The following PARP2 variants were observed in gnomAD, a reference collection of about 807,000 sequenced individuals.
PARP2 encodes poly [ADP-ribose] polymerase 2.
PARP2 carries 57 observed loss-of-function variants against 77.8 expected under a neutral mutation model. That is an observed-to-expected ratio of 0.73 (90% CI 0.59 to 0.91). PARP2 has a LOEUF of 0.91. Among genes scored for constraint, PARP2 ranks in the 40% least tolerant of loss-of-function variants. The probability of loss-of-function intolerance (pLI) is 0.00; values close to 1 mark genes in which losing one functional copy is unlikely to be tolerated. For missense variants in PARP2, 651 were observed against 689.0 expected, an observed-to-expected ratio of 0.94 and a Z score of 0.62; for synonymous variants, 226 against 242.6, an observed-to-expected ratio of 0.93 and a Z score of 0.64.
At position 20,357,629 on chromosome 14, in the gene PARP2, A is replaced by C. The variant is rs773008683; in HGVS notation, c.1554-9A>C. The C allele has an allele frequency of 1.9e-6, 3 of 1,607,028 alleles. No homozygotes were observed. The highest frequency in any genetic ancestry group is 2.5e-6 in the Non-Finnish European group (3 of 1,178,056). On this transcript the variant is annotated splice_polypyrimidine_tract_variant and intron_variant, in intron 15 of 15. Coordinates refer to ENST00000429687, the MANE Select transcript of PARP2 (RefSeq NM_001042618.2). ...ACTGATGTTGACACACTTTTTTTCC[A>C]TTTGGCAGGAATGGGAGTACAGTGC...
Position 20,356,690 on chromosome 14 carries a change from G to T in PARP2, c.1329+1G>T. ...TGAAGCTCCCATCACAGGTTACATG[G>T]TGAGTGAAATTGAACTCTGGGAGGA... On this transcript the variant is annotated splice_donor_variant, in intron 13 of 15. Coordinates refer to ENST00000429687, the MANE Select transcript of PARP2 (RefSeq NM_001042618.2). LOFTEE classifies it high-confidence loss of function. 1 of 1,609,220 alleles carries T rather than the reference G, an allele frequency of 6.2e-7. No homozygotes were observed. Among genetic ancestry groups the T allele is most frequent in the East Asian group, 2.2e-5 (1 of 44,860 alleles).
chr14:20,351,597 A>G (rs1481008990), intron 6 of PARP2, among the ~76,000 whole-genome samples: 5 of 152,266 alleles, frequency 3.3e-5, no homozygotes, highest in Non-Finnish European at 1.5e-5. Context: ...ACCAAACTGC[A>G]TCCTTAGTGA....
Position 20,354,832 on chromosome 14 carries a change from A to G in PARP2, c.787A>G (p.Lys263Glu). 6.2e-7 allele frequency: 1 copy of G among 1,613,576 alleles called. No individual in the cohort carries two copies. Among genetic ancestry groups the G allele is most frequent in the Non-Finnish European group, 8.5e-7 (1 of 1,179,768 alleles). ...PLGKLTVAQI[K>E]AGYQSLKKIE... ...AGGGAAGCTGACAGTGGCACAAATC[A>G]AGGCAGGTTACCAGTCTCTTAAGAA... Residue 263 changes from lysine to glutamate, a missense_variant, in exon 9 of 16, where the codon AAG (lysine) becomes GAG (glutamate). By Grantham distance (56) the Lys-to-Glu change is moderately conservative (BLOSUM62 1). Transcript: ENST00000429687.
chr14:20,350,640 G>A lies in PARP2; in HGVS notation c.421+18G>A. 6.7e-7 allele frequency: 1 copy of A among 1,496,294 alleles called. No individual in the cohort carries two copies. The highest frequency in any genetic ancestry group is 9.3e-7 in the Non-Finnish European group (1 of 1,073,186). 92.7% of individuals were successfully genotyped at this position (1,496,294 alleles called of 1,614,324 possible). A position where few individuals can be genotyped will look rare whatever the true frequency, so the allele number is the denominator to read the frequency against. ...GGGCCGAGGTAATGATTTTTATTGA[G>A]ATTTTATGAGTTGGCATTCAGAAAG... On this transcript the variant is annotated intron_variant, in intron 5 of 15. Transcript: ENST00000429687.
chr14:20,345,467 A>C lies in PARP2; in HGVS notation c.273+3A>C. 6.2e-7 allele frequency: 1 copy of C among 1,611,054 alleles called. No individual in the cohort carries two copies. The highest frequency in any genetic ancestry group is 1.1e-5 in the South Asian group (1 of 90,998). Reference sequence around the variant, plus strand: ...AGTGTACAGCCAAGGTGGGGAAGGTAAGAGACTCTGGAACCGATCTTCAGT... The same window carrying C: ...AGTGTACAGCCAAGGTGGGGAAGGTCAGAGACTCTGGAACCGATCTTCAGT... On this transcript the variant is annotated splice_donor_region_variant and intron_variant, in intron 3 of 15. Coordinates refer to ENST00000429687, the MANE Select transcript of PARP2 (RefSeq NM_001042618.2).
intron 9 of PARP2, 40 bp from the exon 10 acceptor site, chr14:20,355,712 A>G: frequency 6.5e-7 from 1 of 1,532,256 alleles, no homozygotes; most frequent in Non-Finnish European, 9.0e-7. Context: ...TTTTAGCCAC[A>G]TGTCAGAAAG....
At chr14:20,356,830 C>A in intron 13 of PARP2, 141 bp downstream of exon 13, 1 of 723,040 alleles carries the variant, frequency 1.4e-6, no homozygotes, top group Non-Finnish European at 2.4e-6. Flanking sequence ...TCATCTCTTA[C>A]TGTGTCCCTC....
At position 20,357,437 on chromosome 14, in the gene PARP2, T is replaced by G; in HGVS notation, c.1470T>G (p.Pro490=). 1 of 1,613,820 alleles carries G rather than the reference T, an allele frequency of 6.2e-7. No homozygotes were observed. The highest frequency in any genetic ancestry group is 8.5e-7 in the Non-Finnish European group (1 of 1,179,888). Residue 490 remains proline, a synonymous_variant, in exon 15 of 16, where the codon CCT becomes CCG. Coordinates refer to ENST00000429687, the MANE Select transcript of PARP2 (RefSeq NM_001042618.2). ...GTAATGAACTACTAGAGGCCAATCCTAAGGCCGAAGGATTGCTTCAAGGTA... is the reference window on the plus strand; with the variant it reads ...GTAATGAACTACTAGAGGCCAATCCGAAGGCCGAAGGATTGCTTCAAGGTA... ...GQCNELLEAN[P]KAEGLLQGKH... is the part of the protein sequence containing the mutation.
chr14:20,354,865 G>A lies in PARP2; in HGVS notation c.820G>A (p.Asp274Asn), dbSNP rs1566423391. 6.2e-7 allele frequency: 1 copy of A among 1,613,972 alleles called. No homozygotes were observed. Among genetic ancestry groups the A allele is most frequent in the Admixed American group, 1.7e-5 (1 of 59,984 alleles). ...AGYQSLKKIE[D>N]CIRAGQHGRA... ...TTACCAGTCTCTTAAGAAGATTGAG[G>A]ATTGTATTCGGGCTGGCCAGCATGG... Residue 274 changes from aspartate (D) to asparagine (N), a missense_variant, in exon 9 of 16, where the codon GAT (aspartate) becomes AAT (asparagine). Physicochemically the swap from Asp to Asn is conservative, Grantham distance 23. Coordinates refer to ENST00000429687, the MANE Select transcript of PARP2 (RefSeq NM_001042618.2).
chr14:20,349,829 C>T (rs1883894060), intron 4 of PARP2, among the ~76,000 whole-genome samples: 1 of 152,102 alleles, frequency 6.6e-6, no homozygotes, highest in Non-Finnish European at 1.5e-5. Context: ...AGAATGCCTC[C>T]ATATCCAGGG....
chr14:20,345,666 T>C (rs1883691436), intron 3 of PARP2, among the ~76,000 whole-genome samples: 1 of 152,130 alleles, frequency 6.6e-6, no homozygotes, highest in African/African-American at 2.4e-5. Flanking sequence ...TAACATGGTG[T>C]GTTAGACCAT....
chr14:20,343,964 C>T (rs540514210), intron 1 of PARP2, among the ~76,000 whole-genome samples: 1 of 152,208 alleles, frequency 6.6e-6, no homozygotes, highest in South Asian at 2.1e-4. Flanking sequence ...TAAGGCACAC[C>T]ATTATTTTAT....
rs773008683 is a variant in PARP2, at chr14:20,357,629, A to G, written c.1554-9A>G. On this transcript the variant is annotated splice_polypyrimidine_tract_variant and intron_variant, in intron 15 of 15. Coordinates refer to ENST00000429687, the MANE Select transcript of PARP2 (RefSeq NM_001042618.2). ...ACTGATGTTGACACACTTTTTTTCCATTTGGCAGGAATGGGAGTACAGTGC... is the reference window on the plus strand; with the variant it reads ...ACTGATGTTGACACACTTTTTTTCCGTTTGGCAGGAATGGGAGTACAGTGC... The G allele has an allele frequency of 6.2e-7, 1 of 1,607,028 alleles. No homozygotes were observed. Among genetic ancestry groups the G allele is most frequent in the African/African-American group, 1.3e-5 (1 of 74,428 alleles).
intron 1 of PARP2, among the ~76,000 whole-genome samples, chr14:20,343,888 T>C (rs1378984127): frequency 6.6e-6 from 1 of 152,228 alleles, no homozygotes; most frequent in Non-Finnish European, 1.5e-5. Context: ...CTTGCGGAGC[T>C]GTAACAACTA....
At chr14:20,346,600 C>T in intron 3 of PARP2, 1 of 324,868 alleles carries the variant, frequency 3.1e-6, no homozygotes, top group Non-Finnish European at 5.8e-6. Context: ...TCCCGAAATG[C>T]TGGGATTGCA....
Position 20,354,744 on chromosome 14 carries a change from G to A in PARP2, c.764-65G>A, listed in dbSNP as rs3093924. 514 of 1,434,522 alleles carry A rather than the reference G, an allele frequency of 3.6e-4. 5 individuals carry two copies. The East Asian group carries it at 0.01, about 29-fold the overall frequency. The allele number at this position is 1,434,522 out of a possible 1,614,324, so 88.9% of individuals were successfully genotyped here. On this transcript the variant is annotated intron_variant, in intron 8 of 15. Transcript: ENST00000429687. ...AAGATGAAAGTCTTTTTTAGGGAAG[G>A]ATGTTAAGTACAGTTCACTAGATGG... is the stretch of plus-strand genomic sequence containing the variant.
Position 20,345,089 on chromosome 14 carries a change from T to C in PARP2, c.202+2T>C. On this transcript the variant is annotated splice_donor_variant, in intron 2 of 15. Transcript: ENST00000429687. LOFTEE classifies it high-confidence loss of function. ...ACAGGACAGAAGACAAGCAAGATGG[T>C]ATGCCAGGAAGGTCATGGGCCAGCA... 1 of 1,614,118 alleles carries C rather than the reference T, an allele frequency of 6.2e-7. No homozygotes were observed. Among genetic ancestry groups the C allele is most frequent in the Non-Finnish European group, 8.5e-7 (1 of 1,179,996 alleles).
At position 20,350,552 on chromosome 14, in the gene PARP2, G is replaced by A. The variant is rs1269704749; in HGVS notation, c.351G>A (p.Lys117=). ...CCAATCTCCAGTTCAACAACAACAA[G>A]TACTATCTGATTCAGCTATTAGAAG... The part of the protein sequence containing the change: ...NQTNLQFNNN[K]YYLIQLLEDD... The change falls in exon 5 of 16, where the codon AAG becomes AAA. Residue 117 remains lysine (K), a synonymous_variant. Transcript: ENST00000429687. 2 of 1,609,376 alleles carry A rather than the reference G, an allele frequency of 1.2e-6. No homozygotes were observed. Among genetic ancestry groups the A allele is most frequent in the East Asian group, 2.2e-5 (1 of 44,852 alleles).
Position 20,350,981 on chromosome 14 carries a change from A to G in PARP2, c.422-66A>G, listed in dbSNP as rs1291139397. 1.2e-5 allele frequency: 15 copies of G among 1,208,352 alleles called. No homozygotes were observed. The East Asian group carries it at 3.3e-4, about 26-fold the overall frequency. 74.9% of individuals were successfully genotyped at this position (1,208,352 alleles called of 1,614,324 possible). A position where few individuals can be genotyped will look rare whatever the true frequency, so the allele number is the denominator to read the frequency against. Reference sequence around the variant, plus strand: ...TGCCTGTTTGTCAGATGTTAAGCAGAGAGATCTTGGAGAGCTGGCCTGTTA... The same window carrying G: ...TGCCTGTTTGTCAGATGTTAAGCAGGGAGATCTTGGAGAGCTGGCCTGTTA... On this transcript the variant is annotated intron_variant, in intron 5 of 15. Transcript: ENST00000429687.
Sources: gnomAD v4.1 joint callset for allele counts (sites outside exome capture counted in the v4.1 genomes callset) on GRCh38, gnomAD v4.1.1 for gene constraint, MANE v1.5 for transcripts, NCBI Gene and HGNC (gene_info 2026-07-23, HGNC 2026-07-21) for gene names.